The following TARS3 variants were observed in gnomAD, a reference collection of about 807,000 sequenced individuals.
TARS3 encodes threonyl-tRNA synthetase 3.
TARS3 carries 94 observed loss-of-function variants against 103.5 expected under a neutral mutation model. That is an observed-to-expected ratio of 0.91 (90% CI 0.77 to 1.08). The LOEUF (loss-of-function observed/expected upper bound fraction) is 1.08. Among genes scored for constraint, TARS3 ranks in the 50% least tolerant of loss-of-function variants. The pLI is 0.00. For missense variants in TARS3, 952 were observed against 995.2 expected (o/e 0.96, Z 0.58); for synonymous variants, 416 against 355.4 (o/e 1.17, Z -1.92).
intron 10 of TARS3, among the ~76,000 whole-genome samples, chr15:101,691,401 T>C (rs1898717444): frequency 6.6e-6 from 1 of 152,060 alleles, no homozygotes; most frequent in African/African-American, 2.4e-5. Flanking sequence ...TGCCTCAGCC[T>C]CCCAAGTAGC....
intron 4 of TARS3, among the ~76,000 whole-genome samples, chr15:101,712,640 A>G (rs1181014299): frequency 1.3e-5 from 2 of 152,200 alleles, no homozygotes; most frequent in Non-Finnish European, 2.9e-5. Context: ...CCCGGTTGTC[A>G]GTCCTCCAAG....
chr15:101,656,816 G>C, intron 18 of TARS3, 106 bp downstream of exon 18: 1 of 704,602 alleles, frequency 1.4e-6, no homozygotes, highest in East Asian at 2.7e-5. Context: ...GTATTAAATA[G>C]ACAAATCATG....
At chr15:101,664,654 G>A (rs1031614381) in intron 15 of TARS3, among the ~76,000 whole-genome samples, 150 of 152,234 alleles carry the variant, frequency 9.9e-4, no homozygotes, top group African/African-American at 3.2e-3. Flanking sequence ...CAAGACAACC[G>A]CCTTAGGATT....
intron 1 of TARS3, 79 bp from the exon 2 acceptor site, chr15:101,723,243 G>A (rs2141464324): frequency 3.0e-6 from 4 of 1,314,742 alleles, no homozygotes; most frequent in Non-Finnish European, 4.4e-6. Flanking sequence ...ATGCCAGCAG[G>A]CTGCAAGTGC....
intron 4 of TARS3, 50 bp from the exon 5 acceptor site, chr15:101,712,051 A>C: frequency 6.4e-7 from 1 of 1,564,700 alleles, no homozygotes; most frequent in Non-Finnish European, 8.7e-7. Flanking sequence ...TATGTCATGG[A>C]AAATTAGTAG....
chr15:101,670,927 T>C (rs1045621539), intron 15 of TARS3, among the ~76,000 whole-genome samples: 1 of 152,134 alleles, frequency 6.6e-6, no homozygotes, highest in African/African-American at 2.4e-5. Flanking sequence ...CATGACATTC[T>C]GGAAAGGGCA....
intron 9 of TARS3, among the ~76,000 whole-genome samples, chr15:101,701,816 C>T (rs1395374458): frequency 6.6e-6 from 1 of 152,072 alleles, no homozygotes; most frequent in African/African-American, 2.4e-5. Flanking sequence ...CACTCTGTCG[C>T]CCAGGCTGGA....
chr15:101,717,558 G>A (rs1327373957), intron 3 of TARS3, among the ~76,000 whole-genome samples: 1 of 152,214 alleles, frequency 6.6e-6, no homozygotes, highest in Non-Finnish European at 1.5e-5. Context: ...GATAGAAGGA[G>A]AAGTCATGTG....
At chr15:101,679,576 C>T (rs936322734) in intron 12 of TARS3, among the ~76,000 whole-genome samples, 1 of 152,072 alleles carries the variant, frequency 6.6e-6, no homozygotes, top group African/African-American at 2.4e-5. Flanking sequence ...ATGGTGGTTG[C>T]TTTAAAATCT....
In TARS3 at chr15:101,674,153, T is replaced by G. The variant is rs572197217; in HGVS notation, c.1788+1447A>C. Among the ~76,000 whole-genome samples, 3 of 152,332 alleles carry G rather than the reference T, an allele frequency of 2.0e-5. No homozygotes were observed. The South Asian group carries it at 6.2e-4, about 32-fold the overall frequency. ...TTTCGTCCAGAGTCTCCATGCTGGG[T>G]GCACTGCCCACCTGCTAGTCACTTG... On this transcript the variant is annotated intron_variant, in intron 13 of 18. Transcript: ENST00000335968.
chr15:101,701,153 C>T lies in TARS3; in HGVS notation c.1253G>A (p.Ser418Asn). ...EQELFFFHDLSPGSCFFLPRG... is the reference protein window; with the variant it reads ...EQELFFFHDLNPGSCFFLPRG... ...GGGAAGGAAAAAACAGCTTCCAGGA[C>T]TCAAATCGTGGAAAAAGAAAAGTTC... Residue 418 changes from serine to asparagine, a missense_variant, in exon 10 of 19, where the codon AGT becomes AAT. Around this residue, in one of 2 missense-constraint regions of TARS3, gnomAD observed 540 missense variants for 631.0 expected, o/e 0.86. Coordinates refer to ENST00000335968, the MANE Select transcript of TARS3 (RefSeq NM_152334.3). 1 of 1,596,854 alleles carries T rather than the reference C, an allele frequency of 6.3e-7. No individual in the cohort carries two copies. The highest frequency in any genetic ancestry group is 1.2e-5 in the South Asian group (1 of 86,474).
intron 7 of TARS3, 100 bp from the exon 8 acceptor site, chr15:101,704,037 A>C: frequency 1.3e-6 from 1 of 791,764 alleles, no homozygotes; most frequent in Non-Finnish European, 2.0e-6. Flanking sequence ...AGCTTCACTT[A>C]TTTATATGTA....
chr15:101,701,019 A>C lies in TARS3; in HGVS notation c.1320+67T>G, dbSNP rs559963850. ...AATGGAAACGCTTGACCACTTTATTATGAGAGAAAATAGTAAAAATGTAAA... is the reference window on the plus strand; with the variant it reads ...AATGGAAACGCTTGACCACTTTATTCTGAGAGAAAATAGTAAAAATGTAAA... On this transcript the variant is annotated intron_variant, in intron 10 of 18. Transcript: ENST00000335968. 43 of 1,079,536 alleles carry C rather than the reference A, an allele frequency of 4.0e-5. No individual in the cohort carries two copies. In the African/African-American group the frequency reaches 5.8e-4, roughly 15 times the overall value. 66.9% of individuals were successfully genotyped at this position (1,079,536 alleles called of 1,614,324 possible).
intron 3 of TARS3, among the ~76,000 whole-genome samples, chr15:101,717,156 C>G (rs1900198103): frequency 6.6e-6 from 1 of 152,188 alleles, no homozygotes; most frequent in African/African-American, 2.4e-5. Context: ...CGTGCCCAGC[C>G]TACAATGTAA....
At position 101,711,983 on chromosome 15, in the gene TARS3, C is replaced by T; in HGVS notation, c.709G>A (p.Ala237Thr). The change falls in exon 5 of 19, where the codon GCT becomes ACT. Residue 237 changes from alanine (A) to threonine (T), a missense_variant. Transcript: ENST00000335968. The part of the protein sequence containing the change: ...EAQAVYWHSS[A>T]HILGEAMELY... Reference sequence around the variant, plus strand: ...TCCATGGCCTCCCCAAGAATGTGAGCACTGGAGTGCCAGTACACCTGCATG... The same window carrying T: ...TCCATGGCCTCCCCAAGAATGTGAGTACTGGAGTGCCAGTACACCTGCATG... The T allele has an allele frequency of 6.2e-7, 1 of 1,613,658 alleles. No individual in the cohort carries two copies. The highest frequency in any genetic ancestry group is 1.3e-5 in the African/African-American group (1 of 75,038).
intron 13 of TARS3, among the ~76,000 whole-genome samples, chr15:101,673,451 C>T (rs767739286): frequency 6.6e-6 from 1 of 152,228 alleles, no homozygotes; most frequent in Non-Finnish European, 1.5e-5. Flanking sequence ...CATTTAAGTT[C>T]ACCATACCCT....
At chr15:101,662,352 C>A (rs566063653) in intron 15 of TARS3, among the ~76,000 whole-genome samples, 127 of 152,282 alleles carry the variant, frequency 8.3e-4, no homozygotes, top group African/African-American at 2.8e-3. Context: ...GCACAAGCTT[C>A]TCAGAAAGAT....
chr15:101,671,009 G>A (rs1209977116), intron 15 of TARS3, among the ~76,000 whole-genome samples: 2 of 152,086 alleles, frequency 1.3e-5, no homozygotes, highest in Non-Finnish European at 2.9e-5. Context: ...GACTACAAAG[G>A]AGCAGCACAA....
intron 6 of TARS3, among the ~76,000 whole-genome samples, chr15:101,706,696 T>C (rs1453914706): frequency 6.6e-6 from 1 of 152,210 alleles, no homozygotes; most frequent in Non-Finnish European, 1.5e-5. Context: ...TTCCTTTTCC[T>C]TTCTTTTCTG....
Sources: gnomAD v4.1 joint callset for allele counts (sites outside exome capture counted in the v4.1 genomes callset) on GRCh38, gnomAD v4.1.1 for gene constraint, gnomAD v4.1.1 regional missense constraint, MANE v1.5 for transcripts, NCBI Gene and HGNC (gene_info 2026-07-23, HGNC 2026-07-21) for gene names.